IQSEC2: variants seen among roughly 807,000 people sequenced by gnomAD.
IQSEC2 encodes the protein IQ motif and Sec7 domain ArfGEF 2, also known as IQ motif and SEC7 domain-containing protein 2.
In IQSEC2, 6 loss-of-function variants were observed where a neutral mutation model predicts 74.6. That is an observed-to-expected ratio of 0.08 (90% CI 0.04 to 0.16). The LOEUF (loss-of-function observed/expected upper bound fraction) is 0.16, where lower values mean the gene tolerates loss of function less well. IQSEC2 is among the 10% of genes least tolerant of loss of function. The probability of loss-of-function intolerance (pLI) is 1.00; values close to 1 mark genes in which losing one functional copy is unlikely to be tolerated. For missense variants in IQSEC2, 734 were observed against 1,306.2 expected (o/e 0.56, Z 6.75); for synonymous variants, 494 against 544.5 (o/e 0.91, Z 1.29).
At chrX:53,258,941 A>C (rs2074520655) in intron 2 of IQSEC2, among the ~76,000 whole-genome samples, 1 of 111,743 alleles carries the variant, frequency 8.9e-6, no homozygotes, top group African/African-American at 3.3e-5. Flanking sequence ...CTGTAATCCC[A>C]GCACTTTGGG....
intron 1 of IQSEC2, among the ~76,000 whole-genome samples, chrX:53,293,681 G>A (rs1569329042): frequency 9.0e-6 from 1 of 110,940 alleles, no homozygotes; most frequent in East Asian, 2.8e-4. Flanking sequence ...CCCAAACCCA[G>A]CACACATGTA....
At chrX:53,295,048 C>G (rs1013108144) in intron 1 of IQSEC2, among the ~76,000 whole-genome samples, 2 of 111,107 alleles carry the variant, frequency 1.8e-5, no homozygotes, top group Non-Finnish European at 3.8e-5. Flanking sequence ...GTCTCGAACT[C>G]CTGACTTCAA....
chrX:53,266,091 C>T (rs1185883788), intron 2 of IQSEC2, among the ~76,000 whole-genome samples: 1 of 112,179 alleles, frequency 8.9e-6, no homozygotes, highest in African/African-American at 3.2e-5. Context: ...TCTAATCCAA[C>T]CCTTCTCCTT....
chrX:53,317,030 C>T (rs2075383814), intron 1 of IQSEC2, among the ~76,000 whole-genome samples: 4 of 110,358 alleles, frequency 3.6e-5, no homozygotes, highest in Non-Finnish European at 7.6e-5. Flanking sequence ...GGAAACGCAG[C>T]TCTTCAGCGT....
intron 2 of IQSEC2, among the ~76,000 whole-genome samples, chrX:53,277,293 C>G (rs911166516): frequency 9.1e-6 from 1 of 110,344 alleles, no homozygotes; most frequent in Admixed American, 9.7e-5. Context: ...CTCACTGCAA[C>G]CTCCGCCTCC....
At chrX:53,268,198 T>G (rs782249632) in intron 2 of IQSEC2, among the ~76,000 whole-genome samples, 1 of 111,119 alleles carries the variant, frequency 9.0e-6, no homozygotes, top group Non-Finnish European at 1.9e-5. Context: ...CCCAGACCCC[T>G]TGGCTCAGGG....
chrX:53,292,758 C>G (rs1556873309), intron 1 of IQSEC2, among the ~76,000 whole-genome samples: 1 of 111,476 alleles, frequency 9.0e-6, no homozygotes, highest in East Asian at 2.9e-4. Flanking sequence ...AGAGTGTATA[C>G]GTGAGTGCAC....
chrX:53,244,343 T>C (rs2074270428), intron 8 of IQSEC2, among the ~76,000 whole-genome samples: 1 of 110,683 alleles, frequency 9.0e-6, no homozygotes, highest in Non-Finnish European at 1.9e-5. Context: ...CTGGGCAACA[T>C]GGCAAAATCC....
At chrX:53,304,911 T>C (rs986875108) in intron 1 of IQSEC2, among the ~76,000 whole-genome samples, 28 of 111,685 alleles carry the variant, frequency 2.5e-4, no homozygotes, top group African/African-American at 8.4e-4. Flanking sequence ...AAAGTTACTA[T>C]TTATTTTTCT....
chrX:53,263,308 G>A (rs1293645155), intron 2 of IQSEC2, among the ~76,000 whole-genome samples: 1 of 111,556 alleles, frequency 9.0e-6, no homozygotes, highest in Non-Finnish European at 1.9e-5. Flanking sequence ...GGGATGGACT[G>A]GACGGACTAG....
At chrX:53,271,120 C>G (rs146944408) in intron 2 of IQSEC2, among the ~76,000 whole-genome samples, 1,711 of 111,759 alleles carry the variant, frequency 0.015, 6 homozygotes, top group Non-Finnish European at 0.021. Context: ...CTGCACCCTC[C>G]AATGTCTGAT....
chrX:53,279,794 T>A, intron 2 of IQSEC2: 2 of 427,961 alleles, frequency 4.7e-6, no homozygotes, highest in Non-Finnish European at 4.1e-6. Flanking sequence ...GAATGGAGGA[T>A]GGGAAATGGA....
chrX:53,295,947 G>C, intron 1 of IQSEC2, among the ~76,000 whole-genome samples: 1 of 111,625 alleles, frequency 9.0e-6, no homozygotes, highest in East Asian at 2.8e-4. Context: ...TAACTTGAAT[G>C]ATCACAGACT....
At chrX:53,252,354 C>T (rs1176329682) in intron 4 of IQSEC2, among the ~76,000 whole-genome samples, 2 of 86,604 alleles carry the variant, frequency 2.3e-5, no homozygotes, top group African/African-American at 8.0e-5. Flanking sequence ...AGCTACCACA[C>T]CTGGCCAAAA....
intron 1 of IQSEC2, among the ~76,000 whole-genome samples, chrX:53,296,946 T>C (rs2075159345): frequency 9.0e-6 from 1 of 111,585 alleles, no homozygotes; most frequent in Non-Finnish European, 1.9e-5. Context: ...TGCCCTCCTC[T>C]CATTCTACCA....
chrX:53,274,180 A>G lies in IQSEC2; in HGVS notation c.737+17715T>C, dbSNP rs782068198. Among the ~76,000 whole-genome samples the G allele has an allele frequency of 3.0e-4, 33 of 111,485 alleles. No homozygotes were observed. In the South Asian group the frequency reaches 0.012, roughly 40 times the overall value. On this transcript the variant is annotated intron_variant, in intron 2 of 14. Transcript: ENST00000642864. ...GTTGCACAGTCTGGCTTATGTTTGC[A>G]GTTTGGATTGTGGTGTTTTAGAAAA... is the stretch of plus-strand genomic sequence containing the variant.
intron 2 of IQSEC2, among the ~76,000 whole-genome samples, chrX:53,288,720 A>G (rs782768471): frequency 8.9e-6 from 1 of 112,207 alleles, no homozygotes; most frequent in African/African-American, 3.2e-5. Flanking sequence ...TCTCTCATCA[A>G]CCCAGAGAAG....
chrX:53,230,590 G>A (rs1374062155), downstream of IQSEC2: 1 of 115,880 alleles, frequency 8.6e-6, no homozygotes, highest in Non-Finnish European at 1.8e-5. Context: ...TTTGTCCTTT[G>A]TTTTTGTTTG....
intron 1 of IQSEC2, among the ~76,000 whole-genome samples, chrX:53,317,699 C>T (rs1038475340): frequency 8.0e-5 from 9 of 112,296 alleles, no homozygotes; most frequent in Non-Finnish European, 1.5e-4. Flanking sequence ...AGCCTGTACC[C>T]GCTCTACCTA....
Sources: allele counts gnomAD v4.1 joint callset (sites outside exome capture counted in the v4.1 genomes callset), GRCh38; gene constraint gnomAD v4.1.1; transcripts MANE v1.5; gene names NCBI Gene and HGNC (gene_info 2026-07-23, HGNC 2026-07-21).